Variants in SYT1 observed in about 807,000 individuals in gnomAD.
SYT1 encodes synaptotagmin-1.
Under a neutral mutation model 44.8 loss-of-function variants are expected in SYT1, and 8 were observed. That is an observed-to-expected ratio of 0.18 (90% CI 0.10 to 0.32). The LOEUF (loss-of-function observed/expected upper bound fraction) is 0.32. Among genes scored for constraint, SYT1 ranks in the 10% least tolerant of loss-of-function variants. The probability of loss-of-function intolerance (pLI) is 1.00; values close to 1 mark genes in which losing one functional copy is unlikely to be tolerated. For missense variants in SYT1, 286 were observed against 509.3 expected, an observed-to-expected ratio of 0.56 and a Z score of 4.22; for synonymous variants, 154 against 188.8, an observed-to-expected ratio of 0.82 and a Z score of 1.51.
intron 2 of SYT1, among the ~76,000 whole-genome samples, chr12:79,024,161 A>T (rs1375756371): frequency 6.6e-6 from 1 of 151,780 alleles, no homozygotes; most frequent in Non-Finnish European, 1.5e-5. Flanking sequence ...TCTAGCAATG[A>T]TTCTAGGAAA....
chr12:79,349,002 A>G (rs567713369), intron 8 of SYT1, among the ~76,000 whole-genome samples: 1,601 of 22,078 alleles, frequency 0.073, 30 homozygotes, highest in African/African-American at 0.24. Flanking sequence ...AGAGAAGGAA[A>G]GAAAGAAAGA....
rs184383600 is a variant in SYT1 at position 79,201,856 on chromosome 12, G to T, written c.-17-15647G>T. ...ACATCCAACAACTTTTAAAGTGGAA[G>T]TTTGGCACACTCAGTATAAGCACTT... On this transcript the variant is annotated intron_variant, in intron 3 of 10. Transcript: ENST00000261205. Among the ~76,000 whole-genome samples, 6 of 152,226 alleles carry T rather than the reference G, an allele frequency of 3.9e-5. No individual in the cohort carries two copies. The East Asian group carries it at 1.2e-3, about 29-fold the overall frequency.
intron 1 of SYT1, among the ~76,000 whole-genome samples, chr12:78,944,000 G>A (rs997788720): frequency 2.6e-5 from 4 of 152,074 alleles, no homozygotes; most frequent in African/African-American, 9.6e-5. Flanking sequence ...GTGTTTCTTT[G>A]AATGATGATA....
intron 3 of SYT1, among the ~76,000 whole-genome samples, chr12:79,111,536 A>T (rs1052397341): frequency 6.6e-6 from 1 of 152,064 alleles, no homozygotes; most frequent in Non-Finnish European, 1.5e-5. Flanking sequence ...AACTATCACG[A>T]TGCCTCCCAC....
chr12:79,312,050 T>G lies in SYT1; in HGVS notation c.810+12499T>G, dbSNP rs59248648. Among the ~76,000 whole-genome samples, 548 of 151,972 alleles carry G rather than the reference T, an allele frequency of 3.6e-3. 4 individuals are homozygous for G. The highest frequency in any genetic ancestry group is 0.013 in the African/African-American group (533 of 41,504). ...AAAATAAAAAATAAAATTAATTAAT[T>G]AATTAATTTTTAAAAAGGAATTAGT... On this transcript the variant is annotated intron_variant, in intron 8 of 10. Coordinates refer to ENST00000261205, the MANE Select transcript of SYT1 (RefSeq NM_005639.3).
intron 3 of SYT1, among the ~76,000 whole-genome samples, chr12:79,142,446 A>T (rs1214197143): frequency 1.3e-5 from 2 of 152,226 alleles, no homozygotes; most frequent in East Asian, 3.8e-4. Flanking sequence ...TGGCTTGGAT[A>T]AAGTATACTA....
At chr12:79,206,317 T>C (rs905247617) in intron 3 of SYT1, among the ~76,000 whole-genome samples, 2 of 152,206 alleles carry the variant, frequency 1.3e-5, no homozygotes, top group Non-Finnish European at 2.9e-5. Context: ...CTAGTTTTGA[T>C]GGTAAAGCCA....
intron 3 of SYT1, among the ~76,000 whole-genome samples, chr12:79,121,679 C>T (rs1177455704): frequency 6.6e-6 from 1 of 152,174 alleles, no homozygotes; most frequent in Non-Finnish European, 1.5e-5. Flanking sequence ...GTCGGCTGCA[C>T]TTGCGTACTG....
At chr12:79,277,917 G>C (rs1878825348) in intron 4 of SYT1, among the ~76,000 whole-genome samples, 1 of 151,844 alleles carries the variant, frequency 6.6e-6, no homozygotes, top group African/African-American at 2.4e-5. Context: ...TAAAGACAAA[G>C]AAGGTCATTA....
chr12:78,945,030 T>C (rs1878575197), intron 1 of SYT1, among the ~76,000 whole-genome samples: 1 of 152,126 alleles, frequency 6.6e-6, no homozygotes, highest in South Asian at 2.1e-4. Context: ...ATACCAATCC[T>C]GGAAATGTGT....
intron 8 of SYT1, among the ~76,000 whole-genome samples, chr12:79,330,013 G>A (rs922035771): frequency 6.6e-6 from 1 of 152,058 alleles, no homozygotes; most frequent in Non-Finnish European, 1.5e-5. Flanking sequence ...AAGGAGAGAG[G>A]AATAAATTTT....
chr12:79,177,099 G>C (rs1422601816), intron 3 of SYT1, among the ~76,000 whole-genome samples: 1 of 132,076 alleles, frequency 7.6e-6, no homozygotes, highest in Non-Finnish European at 1.6e-5. Context: ...ACATTGTGCA[G>C]GTTAGTTACA....
chr12:79,441,884 T>C (rs1593070222), intron 9 of SYT1, among the ~76,000 whole-genome samples: 1 of 152,334 alleles, frequency 6.6e-6, no homozygotes, highest in Admixed American at 6.5e-5. Context: ...TGTCTTTCAG[T>C]TCTTGGCTAA....
chr12:79,013,134 A>T (rs1446456587), intron 2 of SYT1, among the ~76,000 whole-genome samples: 1 of 151,926 alleles, frequency 6.6e-6, no homozygotes, highest in Non-Finnish European at 1.5e-5. Context: ...CACTATTTCT[A>T]TCTTGTAGAG....
chr12:79,240,415 A>T (rs1024893249), intron 4 of SYT1, among the ~76,000 whole-genome samples: 3 of 152,224 alleles, frequency 2.0e-5, no homozygotes, highest in Admixed American at 2.0e-4. Flanking sequence ...GGTTAGCAGC[A>T]GCATGGTTAT....
intron 3 of SYT1, among the ~76,000 whole-genome samples, chr12:79,095,997 C>A (rs571992850): frequency 5.9e-5 from 9 of 151,730 alleles, no homozygotes; most frequent in Non-Finnish European, 1.3e-4. Context: ...AGAGTCTTGG[C>A]GGTCCTGAGG....
At chr12:79,008,869 G>A (rs1028707492) in intron 2 of SYT1, among the ~76,000 whole-genome samples, 3 of 152,030 alleles carry the variant, frequency 2.0e-5, no homozygotes, top group African/African-American at 7.2e-5. Context: ...CACAGCAGGG[G>A]ATCAATTAAA....
At chr12:79,308,635 A>G (rs1183083340) in intron 8 of SYT1, among the ~76,000 whole-genome samples, 2 of 150,136 alleles carry the variant, frequency 1.3e-5, no homozygotes, top group Non-Finnish European at 3.0e-5. Flanking sequence ...AAAGAAAGAA[A>G]GAAAGAAAGA....
chr12:78,922,294 T>C (rs1877051399), intron 1 of SYT1, among the ~76,000 whole-genome samples: 2 of 151,892 alleles, frequency 1.3e-5, no homozygotes, highest in African/African-American at 4.8e-5. Context: ...ATACAATGAA[T>C]GTGTAACTAA....
Sources: gnomAD v4.1 joint callset for allele counts (sites outside exome capture counted in the v4.1 genomes callset) on GRCh38, gnomAD v4.1.1 for gene constraint, MANE v1.5 for transcripts, NCBI Gene and HGNC (gene_info 2026-07-23, HGNC 2026-07-21) for gene names.